RUBCN: variants seen among roughly 807,000 people sequenced by gnomAD.
RUBCN encodes the protein rubicon autophagy regulator.
Under a neutral mutation model 113.2 loss-of-function variants are expected in RUBCN, and 74 were observed. The ratio of observed to expected loss-of-function variants is 0.65; its 90% CI spans 0.54 to 0.79. The LOEUF is 0.79. Among genes scored for constraint, RUBCN ranks in the 30% least tolerant of loss-of-function variants. The pLI, the probability that RUBCN is intolerant of heterozygous loss-of-function variation, is 0.00. For synonymous variants in RUBCN, 480 were observed against 490.0 expected, an observed-to-expected ratio of 0.98 and a Z score of 0.27; for missense variants, 1,109 against 1,251.7, an observed-to-expected ratio of 0.89 and a Z score of 1.72.
chr3:197,718,914 G>A (rs988171126), intron 1 of RUBCN, among the ~76,000 whole-genome samples: 2 of 152,190 alleles, frequency 1.3e-5, no homozygotes, highest in Admixed American at 1.3e-4. Context: ...GGACTAAGGC[G>A]GTCACTAAAA....
At chr3:197,703,752 G>A (rs1046911969) in intron 4 of RUBCN, 98 bp from the exon 5 acceptor site, 3 of 756,394 alleles carry the variant, frequency 4.0e-6, no homozygotes, top group African/African-American at 1.7e-5. Flanking sequence ...TGAATGAGGA[G>A]GAGGGTGAAG....
chr3:197,718,030 G>T lies in RUBCN; in HGVS notation c.166C>A (p.Arg56=). Residue 56 remains arginine, a synonymous_variant, in exon 2 of 20, where the codon CGG becomes AGG. Coordinates refer to ENST00000296343, the MANE Select transcript of RUBCN (RefSeq NM_014687.4). ...NVWSKYGGLE[R]LCRDMQSILY... ...ATGCTCTGCATGTCCCTGCAAAGCC[G>T]CTCCAAGCCACCATACTTAGACCAG... 6.2e-7 allele frequency: 1 copy of T among 1,614,102 alleles called. No homozygotes were observed. The highest frequency in any genetic ancestry group is 8.5e-7 in the Non-Finnish European group (1 of 1,180,006).
intron 9 of RUBCN, 30 bp from the exon 10 acceptor site, chr3:197,694,615 A>T: frequency 6.4e-7 from 1 of 1,573,484 alleles, no homozygotes; most frequent in Non-Finnish European, 8.7e-7. Context: ...AAACAGGCAA[A>T]GGGTTAGAAG....
chr3:197,690,945 A>C (rs906979408), intron 11 of RUBCN: 4 of 451,578 alleles, frequency 8.9e-6, no homozygotes, highest in African/African-American at 8.1e-5. Context: ...AGTTTCTTCC[A>C]ACTAGTTCTC....
At position 197,675,494 on chromosome 3, in the gene RUBCN, T is replaced by C; in HGVS notation, c.2668A>G (p.Ile890Val). 6.2e-7 allele frequency: 1 copy of C among 1,614,042 alleles called. No homozygotes were observed. The highest frequency in any genetic ancestry group is 1.1e-5 in the South Asian group (1 of 91,084). ...TCCTCATTCTGACAGAACTCACAGA[T>C]GAAGCCTTTGGCTTGGCAGAGCTGG... Reference protein sequence around the residue: ...RCMLCQAKGFICEFCQNEDDI... With the variant: ...RCMLCQAKGFVCEFCQNEDDI... Residue 890 changes from isoleucine (I) to valine (V), a missense_variant, in exon 19 of 20, where the codon ATC (isoleucine) becomes GTC (valine). Around this residue, in one of 3 missense-constraint regions of RUBCN, gnomAD observed 306 missense variants for 348.9 expected, o/e 0.88. Transcript: ENST00000296343. The surrounding 1 kb of genome is among the most constrained non-coding windows in gnomAD (Gnocchi z 4.4).
At chr3:197,722,431 C>A (rs1726271561) in intron 1 of RUBCN, among the ~76,000 whole-genome samples, 1 of 151,842 alleles carries the variant, frequency 6.6e-6, no homozygotes, top group South Asian at 2.1e-4. Flanking sequence ...TCCATTTAGT[C>A]TAGGATATAG....
rs530918980 is a variant in RUBCN at position 197,728,022 on chromosome 3, T to G, written c.65+8633A>C. On this transcript the variant is annotated intron_variant, in intron 1 of 19. Transcript: ENST00000296343. The stretch of plus-strand genomic sequence containing the variant: ...CTGTAGTCCCAGCTCCTCAGGAGGC[T>G]GAAGCAGGAGGACTGCCTGACCTAT... Among the ~76,000 whole-genome samples, 32 of 152,214 alleles carry G rather than the reference T, an allele frequency of 2.1e-4. No homozygotes were observed. The South Asian group carries it at 4.8e-3, about 23-fold the overall frequency.
intron 2 of RUBCN, among the ~76,000 whole-genome samples, chr3:197,714,931 A>C (rs1411703411): frequency 6.6e-6 from 1 of 152,218 alleles, no homozygotes; most frequent in Non-Finnish European, 1.5e-5. Context: ...GAAACCTTTA[A>C]GAATTATTGG....
chr3:197,739,615 GA>G (rs1728436446), upstream of RUBCN, among the ~76,000 whole-genome samples: 1 of 150,906 alleles, frequency 6.6e-6, no homozygotes, highest in South Asian at 2.1e-4. Flanking sequence ...AGAATGGCGT[GA>G]TGAACCCGGG....
At position 197,682,623 on chromosome 3, in the gene RUBCN, A is replaced by G. The variant is rs1339964360; in HGVS notation, c.1981-8T>C. On this transcript the variant is annotated splice_polypyrimidine_tract_variant and splice_region_variant and intron_variant, in intron 13 of 19. Transcript: ENST00000296343. ...GTCAGGAATGGGCAGGAGCTGCAGG[A>G]GGAAAGCACAGTTGGGGTAAGCTCG... 2 of 1,602,056 alleles carry G rather than the reference A, an allele frequency of 1.2e-6. No homozygotes were observed. Among genetic ancestry groups the G allele is most frequent in the Admixed American group, 1.7e-5 (1 of 59,450 alleles).
chr3:197,683,241 C>G lies in RUBCN; in HGVS notation c.1980+66G>C. On this transcript the variant is annotated intron_variant, in intron 13 of 19. Coordinates refer to ENST00000296343, the MANE Select transcript of RUBCN (RefSeq NM_014687.4). This position sits in a 1 kb window ranked among gnomAD's most constrained non-coding sequence, Gnocchi z 4.6. ...CTCATTCCAGACTAGGGACATGTGA[C>G]GAAGGAAAACAAGGTCACAGAGGCT... 1.9e-6 allele frequency: 3 copies of G among 1,602,986 alleles called. No individual in the cohort carries two copies. Among genetic ancestry groups the G allele is most frequent in the Non-Finnish European group, 2.6e-6 (3 of 1,170,038 alleles).
chr3:197,729,567 G>A (rs1489631861), intron 1 of RUBCN, among the ~76,000 whole-genome samples: 1 of 151,348 alleles, frequency 6.6e-6, no homozygotes, highest in Non-Finnish European at 1.5e-5. Context: ...CTTTTGTTTT[G>A]TTCTGTTTTT....
intron 18 of RUBCN, chr3:197,676,645 G>A: frequency 7.2e-7 from 1 of 1,389,720 alleles, no homozygotes; most frequent in Non-Finnish European, 9.3e-7. Context: ...ACTCGGTCTT[G>A]CCCGGAGCTA....
chr3:197,681,702 G>A lies in RUBCN; in HGVS notation c.2191+133C>T, dbSNP rs1023843328. The stretch of plus-strand genomic sequence containing the variant: ...GATTGCCAGCACTCTTGCCTACTAC[G>A]AACCTTTCTTTCTCCTTCCCTACTT... On this transcript the variant is annotated intron_variant, in intron 15 of 19. Coordinates refer to ENST00000296343, the MANE Select transcript of RUBCN (RefSeq NM_014687.4). The surrounding 1 kb of genome is among the most constrained non-coding windows in gnomAD (Gnocchi z 5.5). 5 of 793,078 alleles carry A rather than the reference G, an allele frequency of 6.3e-6. No individual in the cohort carries two copies. Among genetic ancestry groups the A allele is most frequent in the African/African-American group, 3.4e-5 (2 of 59,020 alleles). 49.1% of individuals were successfully genotyped at this position (793,078 alleles called of 1,614,324 possible). A position where few individuals can be genotyped will look rare whatever the true frequency, so the allele number is the denominator to read the frequency against.
intron 1 of RUBCN, 148 bp from the exon 2 acceptor site, chr3:197,718,278 C>T: frequency 1.2e-6 from 1 of 831,126 alleles, no homozygotes; most frequent in South Asian, 1.5e-5. Context: ...CAAAACTCAA[C>T]TCTGAGAGAA....
Position 197,669,239 on chromosome 3 carries a change from A to G in RUBCN, c.*5779T>C, listed in dbSNP as rs1330745490. On this transcript the variant is annotated 3_prime_UTR_variant, in exon 20 of 20. Transcript: ENST00000296343. The stretch of plus-strand genomic sequence containing the variant: ...AACATTGGTATGTTACTTTTAACTA[A>G]ACTCCAAATTGTATTCAGATTTTGC... Among the ~76,000 whole-genome samples, 1 of 152,200 alleles carries G rather than the reference A, an allele frequency of 6.6e-6. No homozygotes were observed. Among genetic ancestry groups the G allele is most frequent in the Admixed American group, 6.5e-5 (1 of 15,282 alleles).
At position 197,681,089 on chromosome 3, in the gene RUBCN, G is replaced by A. The variant is rs771954130; in HGVS notation, c.2430+40C>T. On this transcript the variant is annotated intron_variant, in intron 16 of 19. Transcript: ENST00000296343. The surrounding 1 kb of genome is among the most constrained non-coding windows in gnomAD (Gnocchi z 5.5). ...ACGAGGGGAGGGGATGAGGGGAGGA[G>A]AAGGGCAAGACTCTAAGGTGGCCTT... is the stretch of plus-strand genomic sequence containing the variant. 22 of 1,350,228 alleles carry A rather than the reference G, an allele frequency of 1.6e-5. No homozygotes were observed. Among genetic ancestry groups the A allele is most frequent in the Admixed American group, 1.3e-4 (8 of 59,410 alleles). 83.6% of individuals were successfully genotyped at this position (1,350,228 alleles called of 1,614,324 possible). A position where few individuals can be genotyped will look rare whatever the true frequency, so the allele number is the denominator to read the frequency against.
chr3:197,746,552 C>A (rs1728754141), intron 1 of RUBCN, among the ~76,000 whole-genome samples: 1 of 152,090 alleles, frequency 6.6e-6, no homozygotes, highest in South Asian at 2.1e-4. Context: ...TGAAATGATT[C>A]TCTGTTGTAA....
intron 1 of RUBCN, among the ~76,000 whole-genome samples, chr3:197,746,483 A>G (rs1728751488): frequency 6.6e-6 from 1 of 152,200 alleles, no homozygotes; most frequent in African/African-American, 2.4e-5. Flanking sequence ...TCCCTCTCAA[A>G]GCTCAGAATA....
Sources: gnomAD v4.1 joint callset for allele counts (sites outside exome capture counted in the v4.1 genomes callset) on GRCh38, gnomAD v4.1.1 for gene constraint, gnomAD v4.1.1 regional missense constraint, Gnocchi (gnomAD v3.1) non-coding constraint, MANE v1.5 for transcripts, NCBI Gene and HGNC (gene_info 2026-07-23, HGNC 2026-07-21) for gene names.